Variants in CSNK1A1 observed in about 807,000 individuals in gnomAD.
CSNK1A1 encodes the protein casein kinase I isoform alpha.
Under a neutral mutation model 46.1 loss-of-function variants are expected in CSNK1A1, and 7 were observed. The ratio of observed to expected loss-of-function variants is 0.15; its 90% CI spans 0.09 to 0.29. The LOEUF is 0.29. Among genes scored for constraint, CSNK1A1 ranks in the 10% least tolerant of loss-of-function variants. CSNK1A1 has a pLI of 1.00. For synonymous variants in CSNK1A1, 137 were observed against 141.5 expected, an observed-to-expected ratio of 0.97 and a Z score of 0.23; for missense variants, 96 against 417.1, an observed-to-expected ratio of 0.23 and a Z score of 6.71.
intron 2 of CSNK1A1, among the ~76,000 whole-genome samples, chr5:149,539,851 T>C (rs1561770653): frequency 6.6e-6 from 1 of 152,152 alleles, no homozygotes; most frequent in Non-Finnish European, 1.5e-5. Context: ...ATTAACCACT[T>C]TGACTCACAT....
chr5:149,523,616 G>A (rs1183010093), intron 3 of CSNK1A1, among the ~76,000 whole-genome samples: 3 of 152,228 alleles, frequency 2.0e-5, no homozygotes. Flanking sequence ...GAAGCTTGGG[G>A]AGTATCAGGT....
chr5:149,496,698 G>C lies in CSNK1A1; in HGVS notation c.*155C>G. The C allele has an allele frequency of 3.1e-6, 3 of 956,152 alleles. No homozygotes were observed. Among genetic ancestry groups the C allele is most frequent in the Non-Finnish European group, 4.5e-6 (3 of 668,610 alleles). 59.2% of individuals were successfully genotyped at this position (956,152 alleles called of 1,614,324 possible). On this transcript the variant is annotated 3_prime_UTR_variant, in exon 10 of 10. Coordinates refer to ENST00000377843, the MANE Select transcript of CSNK1A1 (RefSeq NM_001892.6). ...GATACAGCATCACCAATGCTGCCCA[G>C]AGTCAGTTTATACTGAAATTAAGTT...
chr5:149,507,776 A>G (rs1761084827), intron 7 of CSNK1A1, among the ~76,000 whole-genome samples: 1 of 152,174 alleles, frequency 6.6e-6, no homozygotes, highest in Admixed American at 6.5e-5. Flanking sequence ...CCCAGCCTTC[A>G]GAAGTTTCTA....
At chr5:149,542,053 G>T (rs1398333748) in intron 2 of CSNK1A1, among the ~76,000 whole-genome samples, 1 of 150,726 alleles carries the variant, frequency 6.6e-6, no homozygotes, top group Non-Finnish European at 1.5e-5. Context: ...CCACTGACCG[G>T]TATCCAGTAT....
At chr5:149,523,215 A>T (rs1285220106) in intron 3 of CSNK1A1, among the ~76,000 whole-genome samples, 1 of 151,720 alleles carries the variant, frequency 6.6e-6, no homozygotes, top group Non-Finnish European at 1.5e-5. Context: ...TAATTTTTGT[A>T]CTTTTAGTAG....
In CSNK1A1 at chr5:149,550,755, G is replaced by C; in HGVS notation, c.123+87C>G. The stretch of plus-strand genomic sequence containing the variant: ...CTGGCGAGTGCGTGCGATGAGGAGA[G>C]GCCCGAGCACTTTGGGGGTGCACGG... On this transcript the variant is annotated intron_variant, in intron 1 of 9. Transcript: ENST00000377843. This position sits in a 1 kb window ranked among gnomAD's most constrained non-coding sequence, Gnocchi z 4.3. 1.9e-6 allele frequency: 3 copies of C among 1,575,762 alleles called. No homozygotes were observed. Among genetic ancestry groups the C allele is most frequent in the Non-Finnish European group, 2.6e-6 (3 of 1,154,446 alleles).
chr5:149,500,823 C>A (rs1383174878), intron 9 of CSNK1A1, among the ~76,000 whole-genome samples: 4 of 148,222 alleles, frequency 2.7e-5, no homozygotes, highest in East Asian at 4.2e-4. Context: ...AAAAAAAAAA[C>A]CTGTAATAAC....
intron 2 of CSNK1A1, among the ~76,000 whole-genome samples, chr5:149,543,486 G>GGTT (rs1270653389): frequency 6.8e-6 from 1 of 147,652 alleles, no homozygotes; most frequent in African/African-American, 2.5e-5. Flanking sequence ...ACGTTTTTCT[G>GGTT]GTTTTTTTTT....
intron 4 of CSNK1A1, among the ~76,000 whole-genome samples, chr5:149,519,811 A>AT (rs1744648083): frequency 1.3e-5 from 2 of 152,208 alleles, no homozygotes; most frequent in Non-Finnish European, 2.9e-5. Context: ...AAGAATTCTC[A>AT]TTATCAACCA....
At chr5:149,526,780 G>T (rs114805449) in intron 2 of CSNK1A1, among the ~76,000 whole-genome samples, 3 of 150,072 alleles carry the variant, frequency 2.0e-5, no homozygotes, top group South Asian at 4.2e-4. Flanking sequence ...CCTGAGAAAG[G>T]GGGGGGAGCC....
chr5:149,504,247 G>C (rs1760959672), intron 9 of CSNK1A1: 1 of 985,308 alleles, frequency 1.0e-6, no homozygotes, highest in Non-Finnish European at 1.2e-6. Flanking sequence ...CAAAAACATG[G>C]AATAGAAGCA....
At chr5:149,501,990 T>C (rs941618909) in intron 9 of CSNK1A1, 1 of 949,106 alleles carries the variant, frequency 1.1e-6, no homozygotes. Context: ...ATAAGTGGCA[T>C]AAAGAGAAGT....
chr5:149,503,951 T>A (rs1561751894), intron 9 of CSNK1A1: 3 of 985,340 alleles, frequency 3.0e-6, no homozygotes. Flanking sequence ...GCAAATATAC[T>A]ATAGGTTGTC....
chr5:149,495,124 T>C lies in CSNK1A1; in HGVS notation c.*1729A>G, dbSNP rs1760615611. The C allele has an allele frequency of 6.6e-6, 1 of 152,188 alleles. No individual in the cohort carries two copies. Among genetic ancestry groups the C allele is most frequent in the African/African-American group, 2.4e-5 (1 of 41,448 alleles). The allele number at this position is 152,188 out of a possible 1,614,324, so 9.4% of individuals were successfully genotyped here. On this transcript the variant is annotated 3_prime_UTR_variant, in exon 10 of 10. Transcript: ENST00000377843. The stretch of plus-strand genomic sequence containing the variant: ...GCCTACCCCAGAAGTTCAGACTTAA[T>C]AAAATTTCTTCAGTATTACGGTACT...
chr5:149,510,789 T>C (rs1371318836), intron 6 of CSNK1A1, among the ~76,000 whole-genome samples: 1 of 152,166 alleles, frequency 6.6e-6, no homozygotes, highest in Non-Finnish European at 1.5e-5. Context: ...CTGAAAAGCA[T>C]TTTCTTAACC....
chr5:149,540,080 C>T (rs1762181219), intron 2 of CSNK1A1, among the ~76,000 whole-genome samples: 1 of 152,160 alleles, frequency 6.6e-6, no homozygotes, highest in African/African-American at 2.4e-5. Context: ...CAAATCATTA[C>T]ATCAGAGAAC....
chr5:149,516,291 T>A (rs1268229222), intron 4 of CSNK1A1, among the ~76,000 whole-genome samples: 1 of 151,992 alleles, frequency 6.6e-6, no homozygotes, highest in Non-Finnish European at 1.5e-5. Context: ...CACTCTACAC[T>A]CCTGCCTGGG....
At chr5:149,547,981 C>G (rs1762533073) in intron 2 of CSNK1A1, among the ~76,000 whole-genome samples, 1 of 152,084 alleles carries the variant, frequency 6.6e-6, no homozygotes, top group Admixed American at 6.5e-5. Context: ...AGCTATTCTC[C>G]TGCTTCAGCC....
chr5:149,510,616 C>A (rs1039111046), intron 6 of CSNK1A1, among the ~76,000 whole-genome samples: 1 of 151,924 alleles, frequency 6.6e-6, no homozygotes, highest in South Asian at 2.1e-4. Flanking sequence ...GTAATTGGGG[C>A]TACAGGCATG....
Sources: allele counts gnomAD v4.1 joint callset (sites outside exome capture counted in the v4.1 genomes callset), GRCh38; gene constraint gnomAD v4.1.1; non-coding constraint Gnocchi (gnomAD v3.1); transcripts MANE v1.5; gene names NCBI Gene and HGNC (gene_info 2026-07-23, HGNC 2026-07-21).